KNDC1: variants seen among roughly 807,000 people sequenced by gnomAD.
KNDC1 encodes kinase non-catalytic C-lobe domain containing 1.
Under a neutral mutation model 172.8 loss-of-function variants are expected in KNDC1, and 106 were observed. The ratio of observed to expected loss-of-function variants is 0.61; its 90% CI spans 0.52 to 0.72. The LOEUF is 0.72. Ranked by LOEUF, KNDC1 falls within the 30% of genes least tolerant of loss-of-function variation. The pLI is 0.00. For missense variants in KNDC1, 2,325 were observed against 2,394.5 expected (o/e 0.97, Z 0.61); for synonymous variants, 1,083 against 1,062.2 (o/e 1.02, Z -0.38).
intron 1 of KNDC1, 22 bp from the exon 2 acceptor site, chr10:133,167,359 C>T (rs540858598): frequency 1.1e-4 from 163 of 1,545,890 alleles, no homozygotes; most frequent in Admixed American, 5.4e-4. Flanking sequence ...GCCGGGCTCA[C>T]GGCCAGGGCC....
At position 133,208,740 on chromosome 10, in the gene KNDC1, G is replaced by A. The variant is rs1425416781; in HGVS notation, c.3794+1389G>A. On this transcript the variant is annotated intron_variant, in intron 20 of 29. Transcript: ENST00000304613. ...CACCGCAGGGTCTCTGTGCCGTTGC[G>A]GGAGACGTCCGTGTGCGTGACTGGG... 7.9e-5 allele frequency among the ~76,000 whole-genome samples: 12 copies of A among 152,328 alleles called. No homozygotes were observed. The East Asian group carries it at 9.6e-4, about 12-fold the overall frequency.
At chr10:133,180,889 G>A (rs1050634933) in intron 3 of KNDC1, among the ~76,000 whole-genome samples, 22 of 152,252 alleles carry the variant, frequency 1.4e-4, no homozygotes, top group African/African-American at 3.6e-4. Flanking sequence ...TTAACTCGAC[G>A]AGTGAGTTTA....
intron 17 of KNDC1, among the ~76,000 whole-genome samples, chr10:133,204,601 C>T (rs1420273241): frequency 1.3e-5 from 2 of 152,204 alleles, no homozygotes; most frequent in Non-Finnish European, 2.9e-5. Flanking sequence ...GCACAGGGAC[C>T]CCGTCTCCAT....
At chr10:133,183,735 A>T in intron 4 of KNDC1, 137 bp from the exon 5 acceptor site, 1 of 814,822 alleles carries the variant, frequency 1.2e-6, no homozygotes, top group Non-Finnish European at 1.9e-6. Context: ...CATACTAGAA[A>T]ATGGGCAAGG....
chr10:133,186,070 C>T lies in KNDC1; in HGVS notation c.722C>T (p.Pro241Leu), dbSNP rs555846148. The part of the protein sequence containing the change: ...GDPSTDPEVL[P>L]TPEGPESETS... ...CCCAGCACTGACCCGGAGGTTCTGC[C>T]GACCCCCGAAGGCCCGGAGTCTGAG... is the stretch of plus-strand genomic sequence containing the variant. The change falls in exon 6 of 30, where the codon CCG (proline) becomes CTG (leucine). Residue 241 changes from proline (P) to leucine (L), a missense_variant. Coordinates refer to ENST00000304613, the MANE Select transcript of KNDC1 (RefSeq NM_152643.8). 21 of 1,598,490 alleles carry T rather than the reference C, an allele frequency of 1.3e-5. No individual in the cohort carries two copies. The highest frequency in any genetic ancestry group is 4.0e-5 in the African/African-American group (3 of 74,824).
chr10:133,210,824 C>T, intron 21 of KNDC1, 100 bp downstream of exon 21: 1 of 1,007,050 alleles, frequency 9.9e-7, no homozygotes, highest in East Asian at 2.4e-5. Context: ...GAGGTGGTCC[C>T]TGGCGACCCA....
chr10:133,166,376 C>T (rs1005046075), intron 1 of KNDC1, among the ~76,000 whole-genome samples: 11 of 152,184 alleles, frequency 7.2e-5, no homozygotes, highest in Admixed American at 2.6e-4. Context: ...TACTCGGGTG[C>T]GTGCGAGTGT....
rs545144161 is a variant in KNDC1, at chr10:133,164,888, G to A, written c.103-2493G>A. Among the ~76,000 whole-genome samples the A allele has an allele frequency of 3.3e-5, 5 of 152,266 alleles. No individual in the cohort carries two copies. In the East Asian group the frequency reaches 5.8e-4, roughly 18 times the overall value. On this transcript the variant is annotated intron_variant, in intron 1 of 29. Coordinates refer to ENST00000304613, the MANE Select transcript of KNDC1 (RefSeq NM_152643.8). ...TGCCTGTGTCTCTCCCAGTCCTCTC[G>A]TCCTGTCCTGGCCTCTTAGGCCTGT...
In KNDC1 at chr10:133,160,330, C is replaced by G; in HGVS notation, c.-138C>G. On this transcript the variant is annotated 5_prime_UTR_variant, in exon 1 of 30. Coordinates refer to ENST00000304613, the MANE Select transcript of KNDC1 (RefSeq NM_152643.8). ...CGCCCCGTATCCCTGACCGCGTCCCCTGGAGACACTGCGGCAGCGGCGGGC... is the reference window on the plus strand; with the variant it reads ...CGCCCCGTATCCCTGACCGCGTCCCGTGGAGACACTGCGGCAGCGGCGGGC... 3.8e-6 allele frequency: 1 copy of G among 264,756 alleles called. No homozygotes were observed. The highest frequency in any genetic ancestry group is 6.5e-6 in the Non-Finnish European group (1 of 154,182). The allele number at this position is 264,756 out of a possible 1,614,324, so 16.4% of individuals were successfully genotyped here. A position where few individuals can be genotyped will look rare whatever the true frequency, so the allele number is the denominator to read the frequency against.
chr10:133,193,651 A>T (rs1433210210), intron 9 of KNDC1, among the ~76,000 whole-genome samples: 1 of 152,258 alleles, frequency 6.6e-6, no homozygotes, highest in Non-Finnish European at 1.5e-5. Flanking sequence ...GTTTAGAAAC[A>T]TGACCTAACC....
At chr10:133,221,188 C>G (rs192794451) in intron 29 of KNDC1, among the ~76,000 whole-genome samples, 1 of 152,072 alleles carries the variant, frequency 6.6e-6, no homozygotes, top group African/African-American at 2.4e-5. Context: ...CCACAGTGTC[C>G]CTGCTCCCCT....
intron 10 of KNDC1, among the ~76,000 whole-genome samples, chr10:133,196,026 T>G (rs1306855507): frequency 6.6e-6 from 1 of 152,216 alleles, no homozygotes; most frequent in Non-Finnish European, 1.5e-5. Flanking sequence ...GCCACGTCCA[T>G]GTGGGTGGAC....
intron 11 of KNDC1, 87 bp from the exon 12 acceptor site, chr10:133,197,588 G>A: frequency 1.0e-6 from 1 of 989,146 alleles, no homozygotes; most frequent in Non-Finnish European, 1.6e-6. Context: ...CACGGCACCG[G>A]CGGGTGGTGG....
chr10:133,168,313 G>T lies in KNDC1; in HGVS notation c.360+1G>T. On this transcript the variant is annotated splice_donor_variant, in intron 3 of 29. Transcript: ENST00000304613. LOFTEE classifies it high-confidence loss of function. Reference sequence around the variant, plus strand: ...CGACGTGACCGGGAACACCTTTGAGGTAAGTGCAGGTGGGGGTAATGTGCC... The same window carrying T: ...CGACGTGACCGGGAACACCTTTGAGTTAAGTGCAGGTGGGGGTAATGTGCC... The T allele has an allele frequency of 6.2e-7, 1 of 1,614,014 alleles. No individual in the cohort carries two copies.
At chr10:133,188,471 A>T (rs1853981835) in intron 6 of KNDC1, 68 bp from the exon 7 acceptor site, 3 of 1,013,804 alleles carry the variant, frequency 3.0e-6, no homozygotes, top group Non-Finnish European at 4.5e-6. Flanking sequence ...TCCCCCGGAC[A>T]TGCCTCTCCA....
Position 133,167,494 on chromosome 10 carries a change from C to T in KNDC1, c.216C>T (p.Ala72=), listed in dbSNP as rs1289547474. Reference sequence around the variant, plus strand: ...TGTCCATGCGGAGCGTGGCCCACGCCGCCATCTTCCAGAGCCTGTGCATCA... The same window carrying T: ...TGTCCATGCGGAGCGTGGCCCACGCTGCCATCTTCCAGAGCCTGTGCATCA... ...CSLSMRSVAH[A]AIFQSLCITP... Residue 72 remains alanine, a synonymous_variant, in exon 2 of 30, where the codon GCC becomes GCT. Coordinates refer to ENST00000304613, the MANE Select transcript of KNDC1 (RefSeq NM_152643.8). 1.0e-5 allele frequency: 16 copies of T among 1,605,268 alleles called. No individual in the cohort carries two copies. The highest frequency in any genetic ancestry group is 1.3e-5 in the African/African-American group (1 of 74,832).
At chr10:133,197,958 C>G (rs1384181949) in intron 12 of KNDC1, among the ~76,000 whole-genome samples, 190 bp downstream of exon 12, 1 of 152,192 alleles carries the variant, frequency 6.6e-6, no homozygotes, top group Non-Finnish European at 1.5e-5. Context: ...CCAAAACTCC[C>G]AGTCGCTCAG....
Position 133,224,095 on chromosome 10 carries a change from C to T in KNDC1, c.5019-564C>T, listed in dbSNP as rs1303594148. Among the ~76,000 whole-genome samples the T allele has an allele frequency of 1.3e-5, 2 of 152,290 alleles. No homozygotes were observed. The highest frequency in any genetic ancestry group is 3.4e-3 in the Middle Eastern group (1 of 294). ...CGTAATGGACGCCCCTTTCTTTGTC[C>T]CTCACACTGGGCATGTGGTGTTTCC... is the stretch of plus-strand genomic sequence containing the variant. On this transcript the variant is annotated intron_variant, in intron 29 of 29. Coordinates refer to ENST00000304613, the MANE Select transcript of KNDC1 (RefSeq NM_152643.8). This position sits in a 1 kb window ranked among gnomAD's most constrained non-coding sequence, Gnocchi z 5.4.
chr10:133,177,532 A>T (rs1424986742), intron 3 of KNDC1, among the ~76,000 whole-genome samples: 1 of 115,622 alleles, frequency 8.6e-6, no homozygotes, highest in African/African-American at 2.9e-5. Flanking sequence ...GTGCATGCAC[A>T]TAGTGTGTGT....
Sources: allele counts gnomAD v4.1 joint callset (sites outside exome capture counted in the v4.1 genomes callset), GRCh38; gene constraint gnomAD v4.1.1; non-coding constraint Gnocchi (gnomAD v3.1); transcripts MANE v1.5; gene names NCBI Gene and HGNC (gene_info 2026-07-23, HGNC 2026-07-21).